KCNH8: variants seen among roughly 807,000 people sequenced by gnomAD.
KCNH8 encodes the protein voltage-gated delayed rectifier potassium channel KCNH8.
In KCNH8, 70 loss-of-function variants were observed where a neutral mutation model predicts 103.6. The ratio of observed to expected loss-of-function variants is 0.68; its 90% confidence interval spans 0.56 to 0.82. The LOEUF is 0.82. Ranked by LOEUF, KCNH8 falls within the 40% of genes least tolerant of loss-of-function variation. The pLI is 0.00. For synonymous variants in KCNH8, 498 were observed against 489.4 expected (o/e 1.02, Z -0.23); for missense variants, 1,217 against 1,329.9 (o/e 0.92, Z 1.32).
At chr3:19,187,403 C>T (rs541255658) in intron 1 of KCNH8, among the ~76,000 whole-genome samples, 26 of 152,024 alleles carry the variant, frequency 1.7e-4, no homozygotes, top group African/African-American at 5.3e-4. Flanking sequence ...ATAACAACAA[C>T]GGAGCCTATG....
intron 8 of KCNH8, among the ~76,000 whole-genome samples, chr3:19,441,786 C>A (rs1439406861): frequency 6.6e-6 from 1 of 152,120 alleles, no homozygotes; most frequent in Non-Finnish European, 1.5e-5. Flanking sequence ...GAGTTTTGAA[C>A]CTTATAATAG....
chr3:19,351,643 T>G (rs1241779971), intron 5 of KCNH8, among the ~76,000 whole-genome samples: 1 of 152,098 alleles, frequency 6.6e-6, no homozygotes, highest in Non-Finnish European at 1.5e-5. Flanking sequence ...CTAAGCTTCA[T>G]AAGTGAAGGA....
intron 2 of KCNH8, among the ~76,000 whole-genome samples, chr3:19,262,103 G>C (rs1423139541): frequency 6.6e-6 from 1 of 151,388 alleles, no homozygotes. Flanking sequence ...GGTCTTTGGT[G>C]GTTCCATATG....
At chr3:19,361,254 A>AT (rs926491449) in intron 5 of KCNH8, among the ~76,000 whole-genome samples, 1 of 151,992 alleles carries the variant, frequency 6.6e-6, no homozygotes, top group Non-Finnish European at 1.5e-5. Flanking sequence ...AGAATCATGG[A>AT]TTTTTTTCTC....
At chr3:19,204,444 CTG>C (rs148387227) in intron 1 of KCNH8, among the ~76,000 whole-genome samples, 2 of 151,384 alleles carry the variant, frequency 1.3e-5, no homozygotes, top group Admixed American at 6.6e-5. Flanking sequence ...GAGAGAGTGT[CTG>C]TGTGTGTGTG....
chr3:19,395,171 A>T lies in KCNH8; in HGVS notation c.1037A>T (p.Asp346Val). The T allele has an allele frequency of 6.2e-7, 1 of 1,611,194 alleles. No individual in the cohort carries two copies. The highest frequency in any genetic ancestry group is 8.5e-7 in the Non-Finnish European group (1 of 1,178,630). Residue 346 changes from aspartate to valine, a missense_variant, in exon 7 of 16, where the codon GAC becomes GTC. Physicochemically the swap from Asp to Val is radical, Grantham distance 152. Transcript: ENST00000328405. ...LRLLRLLQKL[D>V]RYSQHSTIVL... Reference sequence around the variant, plus strand: ...CTTTTGCGTCTGCTGCAGAAGTTAGACCGCTATTCCCAACACAGTACTATC... The same window carrying T: ...CTTTTGCGTCTGCTGCAGAAGTTAGTCCGCTATTCCCAACACAGTACTATC...
chr3:19,202,892 AT>A lies in KCNH8; in HGVS notation c.77-50760del, dbSNP rs375153646. ...AAAAGTTTGTTGACATTTACCACCC[AT>A]TATGGGGACTACACACATATCACTA... is the stretch of plus-strand genomic sequence containing the variant. On this transcript the variant is annotated intron_variant, in intron 1 of 15. Transcript: ENST00000328405. Among the ~76,000 whole-genome samples the A allele has an allele frequency of 4.7e-4, 72 of 152,264 alleles. 1 individual carries two copies. The East Asian group carries it at 0.013, about 28-fold the overall frequency.
intron 7 of KCNH8, among the ~76,000 whole-genome samples, chr3:19,434,107 T>C (rs1037647373): frequency 1.3e-5 from 2 of 152,192 alleles, no homozygotes; most frequent in Non-Finnish European, 2.9e-5. Flanking sequence ...CACTTTGAAC[T>C]TTTGTGTAAA....
At chr3:19,215,791 A>G (rs1176877156) in intron 1 of KCNH8, among the ~76,000 whole-genome samples, 1 of 152,208 alleles carries the variant, frequency 6.6e-6, no homozygotes, top group Non-Finnish European at 1.5e-5. Flanking sequence ...TTCTGCAGAG[A>G]GACAATTTAC....
At chr3:19,422,841 G>A (rs2066971313) in intron 7 of KCNH8, among the ~76,000 whole-genome samples, 1 of 152,036 alleles carries the variant, frequency 6.6e-6, no homozygotes, top group Non-Finnish European at 1.5e-5. Context: ...ACCTCCAGTG[G>A]GGTGGGAAGT....
chr3:19,315,891 A>C (rs1026259619), intron 3 of KCNH8, among the ~76,000 whole-genome samples: 12 of 152,004 alleles, frequency 7.9e-5, no homozygotes, highest in African/African-American at 2.9e-4. Context: ...GCTTCAAAAA[A>C]TTCTCTAAAG....
At chr3:19,179,979 AT>A (rs2063435350) in intron 1 of KCNH8, among the ~76,000 whole-genome samples, 1 of 152,130 alleles carries the variant, frequency 6.6e-6, no homozygotes, top group African/African-American at 2.4e-5. Flanking sequence ...GCTTTTATAC[AT>A]GGCCAGAATC....
intron 3 of KCNH8, among the ~76,000 whole-genome samples, chr3:19,281,724 A>G (rs546731591): frequency 2.6e-4 from 40 of 152,092 alleles, no homozygotes; most frequent in Non-Finnish European, 4.0e-4. Flanking sequence ...CAAAACTTAG[A>G]TGTGCGAAGT....
chr3:19,433,349 T>A (rs2125167772), intron 7 of KCNH8, among the ~76,000 whole-genome samples: 1 of 152,304 alleles, frequency 6.6e-6, no homozygotes, highest in South Asian at 2.1e-4. Flanking sequence ...TGCTGATGGA[T>A]CTTCCCTCAA....
chr3:19,303,019 C>T (rs1405145598), intron 3 of KCNH8, among the ~76,000 whole-genome samples: 1 of 152,142 alleles, frequency 6.6e-6, no homozygotes, highest in Non-Finnish European at 1.5e-5. Context: ...CCTGTAATAA[C>T]TCCATCCATA....
chr3:19,281,274 G>A lies in KCNH8; in HGVS notation c.387G>A (p.Ser129=), dbSNP rs772354697. 5.3e-5 allele frequency: 86 copies of A among 1,611,006 alleles called. 1 individual carries two copies. The Middle Eastern group carries it at 8.2e-4, about 15-fold the overall frequency. The change falls in exon 3 of 16, where the codon TCG becomes TCA. Residue 129 remains serine (S), a synonymous_variant. Transcript: ENST00000328405. ...EKGDVVLFLA[S]FKDITDTKVK... ...GAGATGTAGTACTTTTTCTGGCCTC[G>A]TTCAAAGATATAACAGATACAAAAG...
chr3:19,398,170 C>G (rs1363542365), intron 7 of KCNH8, among the ~76,000 whole-genome samples: 3 of 151,832 alleles, frequency 2.0e-5, no homozygotes, highest in Non-Finnish European at 2.9e-5. Context: ...TTTAAGTGCC[C>G]ATTACATACT....
intron 7 of KCNH8, among the ~76,000 whole-genome samples, chr3:19,427,926 G>GGTAGCTA (rs1392626692): frequency 6.6e-6 from 1 of 152,072 alleles, no homozygotes; most frequent in African/African-American, 2.4e-5. Flanking sequence ...AATCTACTGG[G>GGTAGCTA]GTAGCTATTT....
intron 5 of KCNH8, among the ~76,000 whole-genome samples, chr3:19,371,552 C>G (rs1170007476): frequency 6.7e-6 from 1 of 149,546 alleles, no homozygotes; most frequent in African/African-American, 2.5e-5. Context: ...TTCTCCCATT[C>G]TGTAGGTTGC....
Sources: allele counts gnomAD v4.1 joint callset (sites outside exome capture counted in the v4.1 genomes callset), GRCh38; gene constraint gnomAD v4.1.1; transcripts MANE v1.5; gene names NCBI Gene and HGNC (gene_info 2026-07-23, HGNC 2026-07-21).